Variants in MYPOP observed in about 807,000 individuals in gnomAD.
The protein encoded by MYPOP is myb-related transcription factor, partner of profilin.
In MYPOP, 21 loss-of-function variants were observed where a neutral mutation model predicts 25.7. The observed-to-expected ratio is 0.82, with a 90% confidence interval of 0.58 to 1.18. The LOEUF (loss-of-function observed/expected upper bound fraction) is 1.18. MYPOP is among the 50% of genes most tolerant of loss of function. The pLI is 0.00. For synonymous variants in MYPOP, 280 were observed against 247.9 expected (o/e 1.13, Z -1.22); for missense variants, 566 against 588.3 (o/e 0.96, Z 0.39).
rs1568646361 is a variant in MYPOP, at chr19:45,901,998, C to T, written c.-52-173G>A. 6.6e-6 allele frequency among the ~76,000 whole-genome samples: 1 copy of T among 151,268 alleles called. No homozygotes were observed. The highest frequency in any genetic ancestry group is 2.4e-5 in the African/African-American group (1 of 41,160). On this transcript the variant is annotated intron_variant, in intron 1 of 2. Coordinates refer to ENST00000322217, the MANE Select transcript of MYPOP (RefSeq NM_001012643.4). The surrounding 1 kb of genome is among the most constrained non-coding windows in gnomAD (Gnocchi z 5.7). Reference sequence around the variant, plus strand: ...CGGAAGCGCCTAAGAGTAGCTGACACCGGCTGAGCGCTTGGCTCGGACTTC... The same window carrying T: ...CGGAAGCGCCTAAGAGTAGCTGACATCGGCTGAGCGCTTGGCTCGGACTTC...
chr19:45,896,754 T>C (rs1255665518), intron 2 of MYPOP, among the ~76,000 whole-genome samples: 1 of 149,940 alleles, frequency 6.7e-6, no homozygotes, highest in Non-Finnish European at 1.5e-5. Context: ...GCCTCCCGAG[T>C]AGCTGGGACT....
At chr19:45,896,771 G>A (rs921946950) in intron 2 of MYPOP, among the ~76,000 whole-genome samples, 8 of 151,198 alleles carry the variant, frequency 5.3e-5, no homozygotes, top group Middle Eastern at 3.4e-3. Flanking sequence ...GACTACAGGC[G>A]CCCGCCACTG....
intron 2 of MYPOP, among the ~76,000 whole-genome samples, chr19:45,891,980 C>T (rs550466134): frequency 1.1e-4 from 16 of 151,918 alleles, no homozygotes; most frequent in East Asian, 1.9e-4. Context: ...AGTGCAGTGG[C>T]GTGATCTCGG....
intron 2 of MYPOP, among the ~76,000 whole-genome samples, chr19:45,896,658 G>A (rs187884946): frequency 7.0e-6 from 1 of 142,740 alleles, no homozygotes; most frequent in Non-Finnish European, 1.5e-5. Flanking sequence ...TCGCTCTGTC[G>A]CCCAGGCCGG....
In MYPOP at chr19:45,890,686, G is replaced by T. The variant is rs572287945; in HGVS notation, c.1137C>A (p.Pro379=). The stretch of plus-strand genomic sequence containing the variant: ...GGAAACCTTTTCTCCGCTTGTGTGG[G>T]GGGGAGTCGTGCGGAGGGAGCGGGG... The part of the protein sequence containing the change: ...PPAPLPPHDS[P]PHKRRKGFPT... Residue 379 remains proline, a synonymous_variant, in exon 3 of 3, where the codon CCC becomes CCA. Coordinates refer to ENST00000322217, the MANE Select transcript of MYPOP (RefSeq NM_001012643.4). 13 of 1,609,606 alleles carry T rather than the reference G, an allele frequency of 8.1e-6. No homozygotes were observed. Among genetic ancestry groups the T allele is most frequent in the Middle Eastern group, 1.7e-4 (1 of 6,050 alleles).
At chr19:45,896,926 C>G (rs1380160912) in intron 2 of MYPOP, among the ~76,000 whole-genome samples, 5 of 152,066 alleles carry the variant, frequency 3.3e-5, no homozygotes, top group Non-Finnish European at 7.4e-5. Context: ...CGCCCGGCCT[C>G]TTTTGTTTTA....
intron 2 of MYPOP, among the ~76,000 whole-genome samples, chr19:45,892,076 C>T (rs1279610302): frequency 1.3e-5 from 2 of 152,104 alleles, no homozygotes; most frequent in South Asian, 4.2e-4. Flanking sequence ...GGCGCCACCC[C>T]GCCTGGCTAA....
At chr19:45,891,404 C>A in intron 2 of MYPOP, 81 bp from the exon 3 acceptor site, 1 of 1,392,862 alleles carries the variant, frequency 7.2e-7, no homozygotes, top group South Asian at 1.6e-5. Context: ...CTTCCCTCAC[C>A]TCCCCCCTAC....
At chr19:45,896,953 G>A (rs911397576) in intron 2 of MYPOP, among the ~76,000 whole-genome samples, 3 of 152,014 alleles carry the variant, frequency 2.0e-5, no homozygotes, top group Admixed American at 6.6e-5. Flanking sequence ...TGGGAGCCTC[G>A]CTATATTGCC....
At position 45,890,998 on chromosome 19, in the gene MYPOP, C is replaced by T. The variant is rs777631034; in HGVS notation, c.825G>A (p.Glu275=). 2 of 1,524,556 alleles carry T rather than the reference C, an allele frequency of 1.3e-6. No homozygotes were observed. The highest frequency in any genetic ancestry group is 2.5e-5 in the South Asian group (2 of 79,792). The allele number at this position is 1,524,556 out of a possible 1,614,324, so 94.4% of individuals were successfully genotyped here. ...AQQETANAIR[E]LAGTLRQGLA... ...GTCCCTGTCGAAGGGTGCCGGCCAG[C>T]TCCCGGATGGCGTTGGCAGTCTCCT... Residue 275 remains glutamate, a synonymous_variant, in exon 3 of 3, where the codon GAG becomes GAA. Coordinates refer to ENST00000322217, the MANE Select transcript of MYPOP (RefSeq NM_001012643.4).
chr19:45,894,009 T>A (rs968773443), intron 2 of MYPOP, among the ~76,000 whole-genome samples: 1 of 151,646 alleles, frequency 6.6e-6, no homozygotes, highest in Non-Finnish European at 1.5e-5. Context: ...CAGGATGGTC[T>A]CGATCTCCTG....
chr19:45,899,494 G>A (rs1249931618), intron 2 of MYPOP, among the ~76,000 whole-genome samples: 1 of 152,162 alleles, frequency 6.6e-6, no homozygotes, highest in African/African-American at 2.4e-5. Context: ...GGTCCCATGT[G>A]ATTGTGTCAC....
chr19:45,899,418 C>T (rs181079730), intron 2 of MYPOP, among the ~76,000 whole-genome samples: 4 of 152,264 alleles, frequency 2.6e-5, no homozygotes, highest in Admixed American at 1.3e-4. Context: ...GCCATCTCTG[C>T]TCTGGTCCTA....
intron 1 of MYPOP, among the ~76,000 whole-genome samples, chr19:45,902,310 A>C: frequency 6.6e-6 from 1 of 151,550 alleles, no homozygotes; most frequent in African/African-American, 2.4e-5. Flanking sequence ...TAAGACCGAT[A>C]TGAGAAGGGC....
At chr19:45,896,744 G>C (rs1172860754) in intron 2 of MYPOP, among the ~76,000 whole-genome samples, 1 of 151,182 alleles carries the variant, frequency 6.6e-6, no homozygotes. Flanking sequence ...TCCTGCCTCA[G>C]CCTCCCGAGT....
chr19:45,891,536 A>G (rs1179140819), intron 2 of MYPOP, among the ~76,000 whole-genome samples: 1 of 150,838 alleles, frequency 6.6e-6, no homozygotes, highest in Non-Finnish European at 1.5e-5. Flanking sequence ...TCCTGGGTTC[A>G]AGCGATTATC....
At position 45,891,085 on chromosome 19, in the gene MYPOP, AG is replaced by A; in HGVS notation, c.737del (p.Pro246LeufsTer42). On this transcript the variant is annotated frameshift_variant, in exon 3 of 3. Coordinates refer to ENST00000322217, the MANE Select transcript of MYPOP (RefSeq NM_001012643.4). LOFTEE classifies it high-confidence loss of function. Reference protein sequence around the residue: ...VAPSPPSPPPPPRPPPTLSAS... With the variant: ...VAPSPPSPPPXPRPPPTLSAS... ...CCGAGAGCGTGGGTGGAGGCCGAGG[AG>A]GGGGTGGGGGGCTAGGGGGTGAGGG... 2 of 183,124 alleles carry A rather than the reference AG, an allele frequency of 1.1e-5. No individual in the cohort carries two copies. Among genetic ancestry groups the A allele is most frequent in the Non-Finnish European group, 1.5e-5 (2 of 131,068 alleles). The allele number at this position is 183,124 out of a possible 1,614,324, so 11.3% of individuals were successfully genotyped here.
At position 45,890,437 on chromosome 19, in the gene MYPOP, G is replaced by A; in HGVS notation, c.*186C>T. 1 of 881,712 alleles carries A rather than the reference G, an allele frequency of 1.1e-6. No homozygotes were observed. Among genetic ancestry groups the A allele is most frequent in the Non-Finnish European group, 1.6e-6 (1 of 609,974 alleles). The allele number at this position is 881,712 out of a possible 1,614,324, so 54.6% of individuals were successfully genotyped here. A position where few individuals can be genotyped will look rare whatever the true frequency, so the allele number is the denominator to read the frequency against. On this transcript the variant is annotated 3_prime_UTR_variant, in exon 3 of 3. Transcript: ENST00000322217. ...GGCAGACAGCACTGTACCAGAGAAA[G>A]GGGTTGGGGGGGCCCATTACTGAGG...
chr19:45,901,613 C>T lies in MYPOP; in HGVS notation c.161G>A (p.Arg54His), dbSNP rs1967295567. ...SRRVSVAERR[R>H]VWDGIAAKIN... ...CTTGGCGGCGATGCCGTCCCACACG[C>T]GCCGCCGCTCTGCCACGCTCACCCG... Residue 54 changes from arginine (R) to histidine (H), a missense_variant, in exon 2 of 3, where the codon CGC (arginine) becomes CAC (histidine). Arg to His is a conservative substitution (Grantham distance 29, BLOSUM62 0). Transcript: ENST00000322217. This position sits in a 1 kb window ranked among gnomAD's most constrained non-coding sequence, Gnocchi z 5.7. 4.3e-6 allele frequency: 7 copies of T among 1,610,294 alleles called. No individual in the cohort carries two copies. Among genetic ancestry groups the T allele is most frequent in the Non-Finnish European group, 5.9e-6 (7 of 1,179,158 alleles).
Sources: gnomAD v4.1 joint callset for allele counts (sites outside exome capture counted in the v4.1 genomes callset) on GRCh38, gnomAD v4.1.1 for gene constraint, Gnocchi (gnomAD v3.1) non-coding constraint, MANE v1.5 for transcripts, NCBI Gene and HGNC (gene_info 2026-07-23, HGNC 2026-07-21) for gene names.